The following CTNNA2 variants were observed in gnomAD, a reference collection of about 807,000 sequenced individuals.
The protein encoded by CTNNA2 is catenin alpha 2.
CTNNA2 carries 42 observed loss-of-function variants against 101.0 expected under a neutral mutation model. The ratio of observed to expected loss-of-function variants is 0.42; its 90% CI spans 0.32 to 0.54. CTNNA2 has a LOEUF of 0.54. Ranked by LOEUF, CTNNA2 falls within the 20% of genes least tolerant of loss-of-function variation. The pLI, the probability that CTNNA2 is intolerant of heterozygous loss-of-function variation, is 0.14. For synonymous variants in CTNNA2, 450 were observed against 456.4 expected (o/e 0.99, Z 0.18); for missense variants, 871 against 1,223.1 (o/e 0.71, Z 4.29).
At chr2:80,617,719 C>T (rs1229792218) in intron 17 of CTNNA2, among the ~76,000 whole-genome samples, 1 of 151,738 alleles carries the variant, frequency 6.6e-6, no homozygotes, top group African/African-American at 2.4e-5. Flanking sequence ...CTCTCATCTG[C>T]CAATTTTGCT....
chr2:79,693,926 C>T (rs570852697), intron 2 of CTNNA2, among the ~76,000 whole-genome samples: 16 of 152,040 alleles, frequency 1.1e-4, no homozygotes, highest in Non-Finnish European at 8.8e-5. Context: ...TTGAGGTACA[C>T]GGTTATGAAT....
chr2:79,688,025 T>G (rs896745674), intron 2 of CTNNA2, among the ~76,000 whole-genome samples: 2 of 152,138 alleles, frequency 1.3e-5, no homozygotes, highest in Non-Finnish European at 2.9e-5. Flanking sequence ...AAAAGTTTCC[T>G]CTGAAAATTT....
chr2:79,651,560 A>C lies in CTNNA2; in HGVS notation c.4A>C (p.Thr2Pro). The change falls in exon 2 of 19, where the codon ACT becomes CCT. Residue 2 changes from threonine to proline, a missense_variant. By Grantham distance (38) the Thr-to-Pro change is conservative. Coordinates refer to ENST00000402739, the MANE Select transcript of CTNNA2 (RefSeq NM_001282597.3). ...TACATGTGTTCCCATAGGGAGCATGACTTCGGCAACTTCACCTATCATTCT... is the reference window on the plus strand; with the variant it reads ...TACATGTGTTCCCATAGGGAGCATGCCTTCGGCAACTTCACCTATCATTCT... M[T>P]SATSPIILKW... 1 of 1,613,690 alleles carries C rather than the reference A, an allele frequency of 6.2e-7. No homozygotes were observed. Among genetic ancestry groups the C allele is most frequent in the Non-Finnish European group, 8.5e-7 (1 of 1,179,724 alleles).
At chr2:80,243,573 A>C (rs1247848094) in intron 7 of CTNNA2, among the ~76,000 whole-genome samples, 2 of 152,024 alleles carry the variant, frequency 1.3e-5, no homozygotes, top group Non-Finnish European at 2.9e-5. Context: ...TTATTTTGGG[A>C]TTTATCTACA....
intron 2 of CTNNA2, among the ~76,000 whole-genome samples, chr2:79,300,437 G>C (rs943986774): frequency 6.6e-6 from 1 of 152,084 alleles, no homozygotes; most frequent in Non-Finnish European, 1.5e-5. Flanking sequence ...GGATCTCAGA[G>C]ACCCTAAAGA....
At chr2:80,423,668 C>T (rs930825444) in intron 9 of CTNNA2, among the ~76,000 whole-genome samples, 22 of 152,240 alleles carry the variant, frequency 1.4e-4, no homozygotes, top group Admixed American at 3.9e-4. Context: ...AACACACCCA[C>T]CAAGAGGGTC....
chr2:79,722,946 A>T (rs933864259), intron 2 of CTNNA2, among the ~76,000 whole-genome samples: 1 of 152,228 alleles, frequency 6.6e-6, no homozygotes, highest in East Asian at 1.9e-4. Flanking sequence ...ACAAAAGTGA[A>T]CCACCTTTTT....
At chr2:79,465,956 G>A (rs550882016) in intron 4 of CTNNA2, among the ~76,000 whole-genome samples, 1 of 152,272 alleles carries the variant, frequency 6.6e-6, no homozygotes, top group East Asian at 1.9e-4. Context: ...CTCCCAGCAT[G>A]AGTGACGTAA....
At chr2:79,411,452 C>T (rs1412651170) in intron 4 of CTNNA2, among the ~76,000 whole-genome samples, 2 of 151,832 alleles carry the variant, frequency 1.3e-5, no homozygotes, top group Non-Finnish European at 2.9e-5. Context: ...CTATAAATTT[C>T]CAAAGTCGAA....
At chr2:80,350,138 A>G (rs1673147322) in intron 7 of CTNNA2, among the ~76,000 whole-genome samples, 1 of 152,156 alleles carries the variant, frequency 6.6e-6, no homozygotes, top group Non-Finnish European at 1.5e-5. Context: ...ATCATGCTTC[A>G]GATCTAGGGG....
intron 7 of CTNNA2, among the ~76,000 whole-genome samples, chr2:79,935,294 C>T (rs1687705320): frequency 6.6e-6 from 1 of 151,174 alleles, no homozygotes; most frequent in African/African-American, 2.4e-5. Flanking sequence ...CACATGGAGG[C>T]AAAACCACAA....
At chr2:79,439,337 T>C (rs768436102) in intron 4 of CTNNA2, among the ~76,000 whole-genome samples, 4 of 152,218 alleles carry the variant, frequency 2.6e-5, no homozygotes, top group South Asian at 4.1e-4. Flanking sequence ...TATTGTATGA[T>C]TTCATTTCTG....
At chr2:79,255,203 C>A (rs1389935079) in intron 2 of CTNNA2, among the ~76,000 whole-genome samples, 2 of 152,146 alleles carry the variant, frequency 1.3e-5, no homozygotes, top group African/African-American at 4.8e-5. Flanking sequence ...TGCAGGATCC[C>A]AGTTAATATG....
intron 7 of CTNNA2, among the ~76,000 whole-genome samples, chr2:80,331,701 G>A (rs1671347173): frequency 6.6e-6 from 1 of 152,108 alleles, no homozygotes; most frequent in East Asian, 1.9e-4. Flanking sequence ...AAAACCAAAA[G>A]GGCAGGGTGA....
intron 7 of CTNNA2, among the ~76,000 whole-genome samples, chr2:80,301,694 A>C (rs892381759): frequency 6.6e-6 from 1 of 152,174 alleles, no homozygotes; most frequent in Non-Finnish European, 1.5e-5. Context: ...AAATTAACAT[A>C]AATCATTAAT....
At chr2:79,190,031 T>C (rs1295395352) in intron 1 of CTNNA2, among the ~76,000 whole-genome samples, 1 of 152,212 alleles carries the variant, frequency 6.6e-6, no homozygotes, top group Non-Finnish European at 1.5e-5. Flanking sequence ...TTAAACTATA[T>C]TTCTCTAACA....
intron 7 of CTNNA2, among the ~76,000 whole-genome samples, chr2:80,332,643 T>A (rs538206134): frequency 6.6e-6 from 1 of 152,306 alleles, no homozygotes; most frequent in South Asian, 2.1e-4. Flanking sequence ...AGAGAAAACA[T>A]TTAAGAAATC....
intron 7 of CTNNA2, among the ~76,000 whole-genome samples, chr2:80,111,076 G>T (rs1487852768): frequency 2.6e-5 from 4 of 152,066 alleles, no homozygotes. Context: ...AAAACCATCA[G>T]ATCTTGTGAG....
intron 7 of CTNNA2, among the ~76,000 whole-genome samples, chr2:80,015,452 C>G (rs1694076118): frequency 1.3e-5 from 2 of 152,118 alleles, no homozygotes; most frequent in African/African-American, 4.8e-5. Context: ...AGCTGTCACC[C>G]TGAAGCGCTC....
Sources: allele counts gnomAD v4.1 joint callset (sites outside exome capture counted in the v4.1 genomes callset), GRCh38; gene constraint gnomAD v4.1.1; transcripts MANE v1.5; gene names NCBI Gene and HGNC (gene_info 2026-07-23, HGNC 2026-07-21).